The following WASHC2C variants were observed in gnomAD, a reference collection of about 807,000 sequenced individuals.
The protein encoded by WASHC2C is WASH complex subunit 2C, also known as Vaccinia Penetration Factor.
A neutral mutation model predicts 142.2 loss-of-function variants in WASHC2C; 73 were observed. The ratio of observed to expected loss-of-function variants is 0.51; its 90% CI spans 0.43 to 0.62. WASHC2C has a LOEUF of 0.62. WASHC2C is among the 20% of genes least tolerant of loss of function. The pLI is 0.00. For missense variants in WASHC2C, 969 were observed against 1,531.7 expected (o/e 0.63, Z 6.13); for synonymous variants, 337 against 565.5 (o/e 0.60, Z 5.73).
chr10:45,753,864 A>G (rs1314442160), intron 13 of WASHC2C, among the ~76,000 whole-genome samples: 1 of 147,440 alleles, frequency 6.8e-6, no homozygotes, highest in Middle Eastern at 3.5e-3. Flanking sequence ...TACAAATGTT[A>G]CTCAATAGGT....
intron 13 of WASHC2C, 143 bp downstream of exon 13, chr10:45,753,380 G>C (rs1415669356): frequency 1.6e-5 from 13 of 838,530 alleles, no homozygotes; most frequent in Non-Finnish European, 2.3e-5. Context: ...CCAGTTGAAA[G>C]TAATTCATCT....
intron 3 of WASHC2C, among the ~76,000 whole-genome samples, chr10:45,733,992 G>C (rs2050908964): frequency 6.6e-6 from 1 of 152,080 alleles, no homozygotes; most frequent in Admixed American, 6.6e-5. Flanking sequence ...GGGAGGCCGA[G>C]GTGGGCGGAT....
intron 20 of WASHC2C, chr10:45,771,570 C>T (rs1451720024): frequency 2.0e-6 from 2 of 981,596 alleles, no homozygotes; most frequent in Non-Finnish European, 2.4e-6. Flanking sequence ...CAGTCTGAAC[C>T]CCATCTTGTT....
Position 45,763,276 on chromosome 10 carries a change from A to G in WASHC2C, c.1636-112A>G, listed in dbSNP as rs2055367738. 1.2e-4 allele frequency: 73 copies of G among 586,938 alleles called. 3 individuals are homozygous for G. The South Asian group carries it at 1.5e-3, about 12-fold the overall frequency. The allele number at this position is 586,938 out of a possible 1,614,324, so 36.4% of individuals were successfully genotyped here. A position where few individuals can be genotyped will look rare whatever the true frequency, so the allele number is the denominator to read the frequency against. The stretch of plus-strand genomic sequence containing the variant: ...TGAGCCACCTTCCCTCTCAGGAAAG[A>G]AGCCTAGACACATGGCAGCTGTCAT... On this transcript the variant is annotated intron_variant, in intron 17 of 30. Transcript: ENST00000623400.
intron 23 of WASHC2C, among the ~76,000 whole-genome samples, chr10:45,783,705 C>T (rs1389393915): frequency 6.6e-6 from 1 of 152,244 alleles, no homozygotes; most frequent in Non-Finnish European, 1.5e-5. Context: ...TGGTAATCCA[C>T]CCGCCTTGGC....
Position 45,789,317 on chromosome 10 carries a change from C to T in WASHC2C, c.3534C>T (p.Ala1178=). The T allele has an allele frequency of 6.2e-7, 1 of 1,612,034 alleles. No homozygotes were observed. The part of the protein sequence containing the change: ...KSPMFPALGE[A]SSDDDLFQSA... ...CCATGTTTCCTGCTCTAGGCGAGGC[C>T]AGCAGTGATGATGATCTCTTTCAGT... The change falls in exon 29 of 31, where the codon GCC becomes GCT. Residue 1178 remains alanine (A), a synonymous_variant. Coordinates refer to ENST00000623400, the MANE Select transcript of WASHC2C (RefSeq NM_001330074.2).
intron 23 of WASHC2C, among the ~76,000 whole-genome samples, chr10:45,779,672 A>G (rs1195351885): frequency 6.6e-6 from 1 of 152,120 alleles, no homozygotes; most frequent in Non-Finnish European, 1.5e-5. Context: ...ACTGTGTTCC[A>G]GTAAGTTTTA....
chr10:45,756,783 C>G (rs1554877392), intron 15 of WASHC2C, among the ~76,000 whole-genome samples: 1 of 152,254 alleles, frequency 6.6e-6, no homozygotes, highest in East Asian at 1.9e-4. Flanking sequence ...ATAAGCATGT[C>G]AGCCACGTGG....
At chr10:45,759,937 CCT>C (rs1238937545) in intron 17 of WASHC2C, among the ~76,000 whole-genome samples, 3 of 149,424 alleles carry the variant, frequency 2.0e-5, no homozygotes, top group Admixed American at 1.3e-4. Flanking sequence ...GGATGAAAAT[CCT>C]CTCTCTTTAG....
At chr10:45,790,969 T>C (rs1254796634) in intron 30 of WASHC2C, among the ~76,000 whole-genome samples, 3 of 152,146 alleles carry the variant, frequency 2.0e-5, no homozygotes, top group East Asian at 1.9e-4. Context: ...AGAGCAAGTC[T>C]AGACCTGGGT....
intron 14 of WASHC2C, 131 bp from the exon 15 acceptor site, chr10:45,754,805 T>C: frequency 7.5e-7 from 1 of 1,324,516 alleles, no homozygotes; most frequent in Non-Finnish European, 1.1e-6. Context: ...GGATGGAGGC[T>C]ATTGGGCCCT....
intron 16 of WASHC2C, among the ~76,000 whole-genome samples, chr10:45,757,967 T>G (rs2054530954): frequency 6.6e-6 from 1 of 152,276 alleles, no homozygotes; most frequent in Non-Finnish European, 1.5e-5. Context: ...TTGATTTTTT[T>G]TTTGTTCTAA....
intron 8 of WASHC2C, among the ~76,000 whole-genome samples, chr10:45,747,593 T>G (rs1252114098): frequency 3.9e-5 from 6 of 152,146 alleles, no homozygotes; most frequent in Admixed American, 3.3e-4. Context: ...ATTCAATATT[T>G]TCTTTTCTTT....
At chr10:45,782,349 C>G (rs2135618419) in intron 23 of WASHC2C, among the ~76,000 whole-genome samples, 1 of 148,114 alleles carries the variant, frequency 6.8e-6, no homozygotes, top group African/African-American at 2.5e-5. Flanking sequence ...AGACAAATGG[C>G]CAAAAAGGAT....
At chr10:45,764,128 A>G (rs1589802001) in intron 18 of WASHC2C, among the ~76,000 whole-genome samples, 1 of 150,202 alleles carries the variant, frequency 6.7e-6, no homozygotes, top group Non-Finnish European at 1.5e-5. Flanking sequence ...TGAAAAATCC[A>G]TATATAACTT....
chr10:45,786,434 G>A, intron 26 of WASHC2C, 178 bp from the exon 27 acceptor site: 2 of 795,020 alleles, frequency 2.5e-6, no homozygotes, highest in Non-Finnish European at 4.2e-6. Flanking sequence ...AGAGGAGGAG[G>A]CATACGTGAA....
chr10:45,785,024 G>A, intron 25 of WASHC2C, 123 bp downstream of exon 25: 1 of 1,602,760 alleles, frequency 6.2e-7, no homozygotes, highest in Middle Eastern at 2.3e-4. Flanking sequence ...CTAAATGAAT[G>A]GCAAATAACA....
At chr10:45,747,965 C>G (rs1554871970) in intron 8 of WASHC2C, among the ~76,000 whole-genome samples, 1 of 121,358 alleles carries the variant, frequency 8.2e-6, no homozygotes, top group East Asian at 2.3e-4. Context: ...GTTAATAACT[C>G]TTAATGTCTG....
intron 25 of WASHC2C, 22 bp downstream of exon 25, chr10:45,784,923 T>C (rs782285540): frequency 6.2e-7 from 1 of 1,604,754 alleles, no homozygotes. Context: ...TTGTTCTCAA[T>C]ACTGGGTTGT....
Sources: gnomAD v4.1 joint callset for allele counts (sites outside exome capture counted in the v4.1 genomes callset) on GRCh38, gnomAD v4.1.1 for gene constraint, MANE v1.5 for transcripts, NCBI Gene and HGNC (gene_info 2026-07-23, HGNC 2026-07-21) for gene names.